PDE10A: variants seen among roughly 807,000 people sequenced by gnomAD.
PDE10A encodes the protein cAMP and cAMP-inhibited cGMP 3',5'-cyclic phosphodiesterase 10A.
A neutral mutation model predicts 97.7 loss-of-function variants in PDE10A; 39 were observed. That is an observed-to-expected ratio of 0.40 (90% CI 0.31 to 0.52). The LOEUF is 0.52. PDE10A is among the 20% of genes least tolerant of loss of function. The pLI is 0.56. For synonymous variants in PDE10A, 371 were observed against 376.8 expected (o/e 0.98, Z 0.18); for missense variants, 731 against 1,047.8 (o/e 0.70, Z 4.17).
chr6:165,640,958 T>G (rs1356053730), intron 1 of PDE10A, among the ~76,000 whole-genome samples: 2 of 152,236 alleles, frequency 1.3e-5, no homozygotes, highest in Admixed American at 1.3e-4. Flanking sequence ...TGTCACTATA[T>G]AGTGTCCATG....
intron 1 of PDE10A, among the ~76,000 whole-genome samples, chr6:165,729,213 AAAG>A (rs1792367312): frequency 6.6e-6 from 1 of 152,140 alleles, no homozygotes. Context: ...AAAAAAAAAA[AAAG>A]ATTTCCAGGA....
intron 5 of PDE10A, among the ~76,000 whole-genome samples, chr6:165,443,579 A>G (rs1203153352): frequency 6.6e-6 from 1 of 152,200 alleles, no homozygotes; most frequent in African/African-American, 2.4e-5. Context: ...CAGCTCCACT[A>G]GACAGTACCC....
chr6:165,940,151 T>C (rs908308675), intron 1 of PDE10A: 2 of 152,272 alleles, frequency 1.3e-5, no homozygotes, highest in African/African-American at 4.8e-5. Flanking sequence ...CCAGAATTTT[T>C]TACTAGGTGT....
chr6:165,329,591 A>G lies in PDE10A; in HGVS notation c.*3434T>C, dbSNP rs1362739521. On this transcript the variant is annotated 3_prime_UTR_variant, in exon 22 of 22. Transcript: ENST00000539869. ...CAGGTATCTAAGGATTTATGCATCTATTTATATCCTGTACAATACAGGATT... is the reference window on the plus strand; with the variant it reads ...CAGGTATCTAAGGATTTATGCATCTGTTTATATCCTGTACAATACAGGATT... The G allele has an allele frequency of 6.6e-6, 1 of 152,242 alleles. No individual in the cohort carries two copies. Among genetic ancestry groups the G allele is most frequent in the African/African-American group, 2.4e-5 (1 of 41,466 alleles). The allele number at this position is 152,242 out of a possible 1,614,324, so 9.4% of individuals were successfully genotyped here.
intron 1 of PDE10A, among the ~76,000 whole-genome samples, chr6:165,544,933 C>G (rs111717153): frequency 2.8e-5 from 4 of 145,060 alleles, no homozygotes; most frequent in African/African-American, 1.0e-4. Flanking sequence ...GTGTAAAATT[C>G]AGTGTGAGAA....
At chr6:165,449,892 A>G (rs1247148535) in intron 4 of PDE10A, among the ~76,000 whole-genome samples, 1 of 152,198 alleles carries the variant, frequency 6.6e-6, no homozygotes, top group Admixed American at 6.5e-5. Context: ...TCATTTACCC[A>G]AATACATTTA....
intron 1 of PDE10A, among the ~76,000 whole-genome samples, chr6:165,559,608 T>C (rs755998682): frequency 1.3e-5 from 2 of 152,174 alleles, no homozygotes; most frequent in Non-Finnish European, 2.9e-5. Context: ...ACCACCAATA[T>C]AGTATCTTAG....
chr6:165,701,454 C>T (rs1275479146), intron 1 of PDE10A, among the ~76,000 whole-genome samples: 3 of 152,208 alleles, frequency 2.0e-5, no homozygotes, highest in East Asian at 3.8e-4. Context: ...TTAACAACAA[C>T]TGTTTTATTG....
chr6:165,945,817 T>C (rs1215525960), intron 1 of PDE10A, among the ~76,000 whole-genome samples: 1 of 152,364 alleles, frequency 6.6e-6, no homozygotes, highest in East Asian at 1.9e-4. Context: ...TAGTTCTCTA[T>C]ATACATATGG....
At position 165,922,742 on chromosome 6, in the gene PDE10A, C is replaced by A. The variant is rs115780957; in HGVS notation, c.-615+64787G>T. Among the ~76,000 whole-genome samples, 1,171 of 152,308 alleles carry A rather than the reference C, an allele frequency of 7.7e-3. 19 individuals carry two copies. Among genetic ancestry groups the A allele is most frequent in the African/African-American group, 0.026 (1,081 of 41,568 alleles). On this transcript the variant is annotated intron_variant, in intron 1 of 19. Coordinates refer to the PDE10A transcript ENST00000366882. ...GAGTCAGATTCGGAAAGAAAAGTGC[C>A]CCGTGGGTAGTGCTGTCCATTTGCA...
At chr6:165,963,196 C>T (rs1784408436) in intron 1 of PDE10A, among the ~76,000 whole-genome samples, 1 of 152,210 alleles carries the variant, frequency 6.6e-6, no homozygotes, top group Non-Finnish European at 1.5e-5. Context: ...ATCACATACA[C>T]ATATACACAC....
chr6:165,394,724 C>A (rs548762248), intron 15 of PDE10A, among the ~76,000 whole-genome samples: 11 of 152,346 alleles, frequency 7.2e-5, no homozygotes, highest in African/African-American at 2.2e-4. Flanking sequence ...TCCTCTCCAG[C>A]ATCTGTTGTT....
At chr6:165,544,500 C>T (rs1025329464) in intron 1 of PDE10A, among the ~76,000 whole-genome samples, 2 of 149,586 alleles carry the variant, frequency 1.3e-5, no homozygotes, top group Admixed American at 6.7e-5. Flanking sequence ...CCTTCAGTGA[C>T]GGGAATTATT....
At chr6:165,934,005 G>C (rs1183960261) in intron 1 of PDE10A, among the ~76,000 whole-genome samples, 1 of 141,868 alleles carries the variant, frequency 7.0e-6, no homozygotes, top group African/African-American at 2.7e-5. Context: ...TTTTTTTTTA[G>C]TCGGAGTCTC....
At chr6:165,718,354 GA>G in intron 1 of PDE10A, 1 of 152,004 alleles carries the variant, frequency 6.6e-6, no homozygotes, top group East Asian at 1.9e-4. Context: ...GAAAATTCTT[GA>G]AAAAATACAT....
In PDE10A at chr6:165,600,188, C is replaced by T. The variant is rs113558735; in HGVS notation, c.866-56620G>A. On this transcript the variant is annotated intron_variant, in intron 1 of 21. Coordinates refer to ENST00000539869, the MANE Select transcript of PDE10A (RefSeq NM_001385079.1). The stretch of plus-strand genomic sequence containing the variant: ...CACCTTCACTCCTCCTCCGAGGATC[C>T]CACAAACCACAGAAAGACGCACTCG... Among the ~76,000 whole-genome samples the T allele has an allele frequency of 8.5e-3, 1,297 of 152,284 alleles. 10 individuals are homozygous for T. The highest frequency in any genetic ancestry group is 0.029 in the African/African-American group (1,208 of 41,552).
rs111702822 is a variant in PDE10A, at chr6:165,504,413, T to C, written c.995-22070A>G. Among the ~76,000 whole-genome samples the C allele has an allele frequency of 3.7e-3, 567 of 152,336 alleles. 5 individuals carry two copies. Among genetic ancestry groups the C allele is most frequent in the African/African-American group, 0.013 (524 of 41,582 alleles). On this transcript the variant is annotated intron_variant, in intron 2 of 21. Coordinates refer to ENST00000539869, the MANE Select transcript of PDE10A (RefSeq NM_001385079.1). The stretch of plus-strand genomic sequence containing the variant: ...TGACAGCATCATTAACTTAGATAAA[T>C]GATTGAATATTCTTCATCTCCAGTA...
chr6:165,596,200 C>T (rs1448339201), intron 1 of PDE10A, among the ~76,000 whole-genome samples: 1 of 152,196 alleles, frequency 6.6e-6, no homozygotes, highest in East Asian at 1.9e-4. Flanking sequence ...CACCTTATAG[C>T]TAATCCATCA....
intron 1 of PDE10A, among the ~76,000 whole-genome samples, chr6:165,856,520 A>G (rs995302507): frequency 3.3e-5 from 5 of 152,238 alleles, no homozygotes; most frequent in Non-Finnish European, 7.3e-5. Flanking sequence ...TGATTGATAA[A>G]GACTAGTTGT....
Sources: allele counts gnomAD v4.1 joint callset (sites outside exome capture counted in the v4.1 genomes callset), GRCh38; gene constraint gnomAD v4.1.1; transcripts MANE v1.5; gene names NCBI Gene and HGNC (gene_info 2026-07-23, HGNC 2026-07-21).